MYO3A: variants seen among roughly 807,000 people sequenced by gnomAD.
The protein encoded by MYO3A is myosin-IIIa.
A neutral mutation model predicts 192.7 loss-of-function variants in MYO3A; 180 were observed. That is an observed-to-expected ratio of 0.93 (90% CI 0.83 to 1.06). MYO3A has a LOEUF of 1.06. Among genes scored for constraint, MYO3A ranks in the 50% least tolerant of loss-of-function variants. The probability of loss-of-function intolerance (pLI) is 0.00; values close to 1 mark genes in which losing one functional copy is unlikely to be tolerated. For missense variants in MYO3A, 1,896 were observed against 1,905.0 expected, an observed-to-expected ratio of 1.00 and a Z score of 0.09; for synonymous variants, 628 against 645.3, an observed-to-expected ratio of 0.97 and a Z score of 0.41.
At chr10:26,170,265 A>C in intron 28 of MYO3A, 151 bp from the exon 29 acceptor site, 1 of 789,434 alleles carries the variant, frequency 1.3e-6, no homozygotes, top group Non-Finnish European at 2.0e-6. Context: ...CTTGTTAATG[A>C]ATCACATTTT....
chr10:25,935,254 C>G (rs1835980249), intron 1 of MYO3A, among the ~76,000 whole-genome samples: 1 of 152,184 alleles, frequency 6.6e-6, no homozygotes, highest in South Asian at 2.1e-4. Context: ...CCTTTCAAGT[C>G]TGCTCACCAA....
intron 6 of MYO3A, among the ~76,000 whole-genome samples, chr10:25,998,362 T>C (rs543463367): frequency 6.6e-6 from 1 of 152,360 alleles, no homozygotes; most frequent in East Asian, 1.9e-4. Context: ...TAGAGAGGAA[T>C]GGATGAATAG....
intron 6 of MYO3A, among the ~76,000 whole-genome samples, chr10:26,009,949 A>G (rs1841514823): frequency 6.6e-6 from 1 of 152,204 alleles, no homozygotes; most frequent in Non-Finnish European, 1.5e-5. Flanking sequence ...CAGTGATGAT[A>G]GTGTACCATG....
intron 10 of MYO3A, among the ~76,000 whole-genome samples, chr10:26,053,885 G>A (rs1383388485): frequency 6.6e-6 from 1 of 152,134 alleles, no homozygotes; most frequent in Non-Finnish European, 1.5e-5. Flanking sequence ...GAAGTCCTCA[G>A]GGTTGGAGGG....
intron 3 of MYO3A, among the ~76,000 whole-genome samples, chr10:25,954,590 T>A (rs555176738): frequency 6.6e-6 from 1 of 152,222 alleles, no homozygotes; most frequent in South Asian, 2.1e-4. Flanking sequence ...GGAGTAGCTC[T>A]CCATAGATGT....
intron 17 of MYO3A, among the ~76,000 whole-genome samples, chr10:26,100,529 T>C (rs141044453): frequency 5.6e-4 from 85 of 152,110 alleles, no homozygotes; most frequent in African/African-American, 1.6e-3. Context: ...CCTGCTTTCT[T>C]TTGTGGGCAT....
rs1834892115 is a variant in MYO3A, at chr10:26,067,022, T to C, written c.1001T>C (p.Ile334Thr). 1.2e-6 allele frequency: 2 copies of C among 1,613,098 alleles called. No homozygotes were observed. The highest frequency in any genetic ancestry group is 2.7e-5 in the African/African-American group (2 of 74,916). ...AAAGGGAACTTCAACCGACCTCTAA[T>C]ATCCAATCTGAAGGATGTAGATGAT... The part of the protein sequence containing the change: ...TKKGNFNRPL[I>T]SNLKDVDDLA... The change falls in exon 11 of 35, where the codon ATA becomes ACA. Residue 334 changes from isoleucine (I) to threonine (T), a missense_variant. Coordinates refer to ENST00000642920, the MANE Select transcript of MYO3A (RefSeq NM_017433.5).
intron 14 of MYO3A, among the ~76,000 whole-genome samples, chr10:26,082,848 G>C (rs1236732043): frequency 6.6e-6 from 1 of 151,110 alleles, no homozygotes; most frequent in African/African-American, 2.4e-5. Flanking sequence ...AATGCTTTCT[G>C]GTGCAACCAC....
At chr10:26,011,916 T>G (rs1841686700) in intron 6 of MYO3A, among the ~76,000 whole-genome samples, 1 of 152,194 alleles carries the variant, frequency 6.6e-6, no homozygotes, top group South Asian at 2.1e-4. Context: ...CAAGTGGTTT[T>G]CATCCCAGGG....
At chr10:26,018,007 TATA>T (rs1842076479) in intron 7 of MYO3A, among the ~76,000 whole-genome samples, 1 of 149,838 alleles carries the variant, frequency 6.7e-6, no homozygotes, top group Non-Finnish European at 1.5e-5. Flanking sequence ...TAATATTACA[TATA>T]ATATCATTAT....
chr10:26,134,481 T>C (rs1839734510), intron 20 of MYO3A, among the ~76,000 whole-genome samples: 1 of 152,146 alleles, frequency 6.6e-6, no homozygotes, highest in Non-Finnish European at 1.5e-5. Flanking sequence ...TCACTGTTTT[T>C]TAGAATTTAA....
At chr10:26,054,159 G>C (rs2131303755) in intron 10 of MYO3A, among the ~76,000 whole-genome samples, 1 of 152,178 alleles carries the variant, frequency 6.6e-6, no homozygotes, top group South Asian at 2.1e-4. Context: ...GACATGGGAG[G>C]GTACTGACCA....
At chr10:25,983,003 G>A (rs944050554) in intron 4 of MYO3A, among the ~76,000 whole-genome samples, 1 of 152,064 alleles carries the variant, frequency 6.6e-6, no homozygotes, top group Non-Finnish European at 1.5e-5. Context: ...AATCAAGGAG[G>A]CACCAGAGAT....
intron 17 of MYO3A, among the ~76,000 whole-genome samples, chr10:26,098,906 G>C (rs1277322350): frequency 6.6e-6 from 1 of 152,058 alleles, no homozygotes; most frequent in African/African-American, 2.4e-5. Flanking sequence ...CTCTTTTTTG[G>C]TTCCATATGA....
At chr10:25,974,349 T>A (rs1838849062) in intron 4 of MYO3A, among the ~76,000 whole-genome samples, 4 of 152,224 alleles carry the variant, frequency 2.6e-5, no homozygotes, top group African/African-American at 7.2e-5. Flanking sequence ...GTCCAGTCTG[T>A]GGTTAGCTTG....
intron 18 of MYO3A, among the ~76,000 whole-genome samples, chr10:26,123,392 T>C (rs1838992955): frequency 6.6e-6 from 1 of 152,162 alleles, no homozygotes; most frequent in African/African-American, 2.4e-5. Context: ...AATGAAAATA[T>C]TGCAATTTTC....
rs375545757 is a variant in MYO3A, at chr10:26,211,941, G to C, written c.4829G>C (p.Arg1610Pro). 3.7e-6 allele frequency: 6 copies of C among 1,613,742 alleles called. No individual in the cohort carries two copies. The South Asian group carries it at 5.5e-5, about 15-fold the overall frequency. ...RRLLRKTSQR[R>P]RLVQQS The stretch of plus-strand genomic sequence containing the variant: ...CTCCTGCGCAAAACCTCCCAGCGCC[G>C]GCGCCTCGTCCAGCAGTCCTAACCG... Residue 1610 changes from arginine (R) to proline (P), a missense_variant, in exon 35 of 35, where the codon CGG (arginine) becomes CCG (proline). Physicochemically the swap from Arg to Pro is moderately radical, Grantham distance 103. Coordinates refer to ENST00000642920, the MANE Select transcript of MYO3A (RefSeq NM_017433.5).
At chr10:25,943,524 C>A (rs956087273) in intron 2 of MYO3A, among the ~76,000 whole-genome samples, 4 of 151,998 alleles carry the variant, frequency 2.6e-5, no homozygotes, top group Admixed American at 2.0e-4. Flanking sequence ...GATATCTTTC[C>A]ATTTATTTGT....
intron 17 of MYO3A, among the ~76,000 whole-genome samples, chr10:26,116,763 A>C (rs1397209206): frequency 1.3e-5 from 2 of 152,082 alleles, no homozygotes; most frequent in Non-Finnish European, 2.9e-5. Flanking sequence ...GGAGTGAGAT[A>C]ATTCTTGTGG....
Sources: allele counts gnomAD v4.1 joint callset (sites outside exome capture counted in the v4.1 genomes callset), GRCh38; gene constraint gnomAD v4.1.1; transcripts MANE v1.5; gene names NCBI Gene and HGNC (gene_info 2026-07-23, HGNC 2026-07-21).